Variants in SCGB2B2 observed in about 807,000 individuals in gnomAD.
SCGB2B2 encodes secretoglobin family 2B member 2.
SCGB2B2 carries 11 observed loss-of-function variants against 7.6 expected under a neutral mutation model. The ratio of observed to expected loss-of-function variants is 1.45; its 90% confidence interval spans 0.91 to 2.40. The LOEUF is 2.40. Among genes scored for constraint, SCGB2B2 ranks in the 30% most tolerant of loss-of-function variants. The pLI is 0.00. For missense variants in SCGB2B2, 104 were observed against 115.4 expected (o/e 0.90, Z 0.45); for synonymous variants, 50 against 48.6 (o/e 1.03, Z -0.12).
intron 1 of SCGB2B2, among the ~76,000 whole-genome samples, chr19:34,667,568 G>A (rs546160320): frequency 4.1e-4 from 63 of 152,234 alleles, no homozygotes; most frequent in Admixed American, 3.7e-3. Context: ...GCCTCTAGAG[G>A]GTATTTAGAC....
intron 1 of SCGB2B2, among the ~76,000 whole-genome samples, chr19:34,661,301 A>G (rs2067449684): frequency 6.6e-6 from 1 of 152,184 alleles, no homozygotes; most frequent in African/African-American, 2.4e-5. Context: ...ACGTGCAATG[A>G]CATTAAAAAA....
Position 34,597,481 on chromosome 19 carries a change from T to C in SCGB2B2, c.-2031-887A>G, listed in dbSNP as rs979429175. Among the ~76,000 whole-genome samples the C allele has an allele frequency of 3.3e-5, 5 of 152,298 alleles. No individual in the cohort carries two copies. In the East Asian group the frequency reaches 5.8e-4, roughly 18 times the overall value. On this transcript the variant is annotated intron_variant, in intron 1 of 3. Coordinates refer to ENST00000601241, the MANE Select transcript of SCGB2B2 (RefSeq NM_001025591.4). The stretch of plus-strand genomic sequence containing the variant: ...ATATCAGACATCTCCCGTGCACCAC[T>C]TTCAGCCATCTCAGCCTCACCTGGG...
intron 1 of SCGB2B2, among the ~76,000 whole-genome samples, chr19:34,631,532 G>A (rs1180579281): frequency 2.0e-5 from 3 of 151,930 alleles, no homozygotes; most frequent in South Asian, 2.1e-4. Flanking sequence ...CTTTTTACAA[G>A]AGCATACAAC....
chr19:34,597,594 C>T (rs1464083361), intron 1 of SCGB2B2, among the ~76,000 whole-genome samples: 1 of 152,242 alleles, frequency 6.6e-6, no homozygotes, highest in Non-Finnish European at 1.5e-5. Flanking sequence ...TCACTGTGGT[C>T]TGGGCTATGC....
At chr19:34,589,192 CTG>C (rs2065245362), downstream of SCGB2B2, among the ~76,000 whole-genome samples, 1 of 152,128 alleles carries the variant, frequency 6.6e-6, no homozygotes, top group Admixed American at 6.5e-5. Context: ...CCACCTAAGA[CTG>C]GAGTGACCTT....
intron 1 of SCGB2B2, among the ~76,000 whole-genome samples, chr19:34,661,013 TTA>T (rs1445414764): frequency 2.6e-5 from 4 of 151,782 alleles, no homozygotes; most frequent in Non-Finnish European, 4.4e-5. Flanking sequence ...TCTCAGCAAA[TTA>T]TCACAAGGAC....
chr19:34,615,930 T>C (rs1178207065), intron 1 of SCGB2B2, among the ~76,000 whole-genome samples: 9 of 150,990 alleles, frequency 6.0e-5, no homozygotes, highest in Non-Finnish European at 1.2e-4. Context: ...TGAGTGAGAA[T>C]ACGTGGTGTT....
At chr19:34,611,302 G>A (rs1351344063) in intron 1 of SCGB2B2, among the ~76,000 whole-genome samples, 40 of 151,672 alleles carry the variant, frequency 2.6e-4, no homozygotes, top group Non-Finnish European at 4.4e-5. Context: ...CTGTTTTTTA[G>A]TCTCAATTTT....
At chr19:34,674,189 C>T (rs972330963) in intron 1 of SCGB2B2, among the ~76,000 whole-genome samples, 3 of 152,056 alleles carry the variant, frequency 2.0e-5, no homozygotes, top group African/African-American at 7.3e-5. Flanking sequence ...ATGAAAAATC[C>T]CTATGTAAGC....
At chr19:34,605,741 C>A (rs1418078529) in intron 1 of SCGB2B2, among the ~76,000 whole-genome samples, 1 of 152,034 alleles carries the variant, frequency 6.6e-6, no homozygotes, top group Non-Finnish European at 1.5e-5. Context: ...GCATGCACCA[C>A]CATGTCTGGC....
intron 1 of SCGB2B2, among the ~76,000 whole-genome samples, chr19:34,673,570 T>C (rs546284123): frequency 1.1e-4 from 17 of 152,318 alleles, no homozygotes; most frequent in African/African-American, 3.6e-4. Flanking sequence ...AAGTTTTTCT[T>C]ATATAGGGGT....
intron 1 of SCGB2B2, among the ~76,000 whole-genome samples, chr19:34,599,896 C>T (rs1301116522): frequency 7.2e-5 from 11 of 152,156 alleles, no homozygotes; most frequent in East Asian, 5.8e-4. Context: ...AGTATGGAGA[C>T]GTACACACCA....
intron 1 of SCGB2B2, among the ~76,000 whole-genome samples, chr19:34,671,230 T>C (rs1814638748): frequency 6.6e-6 from 1 of 152,250 alleles, no homozygotes; most frequent in Non-Finnish European, 1.5e-5. Context: ...TGTTTTAATA[T>C]GGATGTCCAG....
At chr19:34,637,001 C>T (rs988453890) in intron 1 of SCGB2B2, among the ~76,000 whole-genome samples, 3 of 152,080 alleles carry the variant, frequency 2.0e-5, no homozygotes, top group Non-Finnish European at 2.9e-5. Context: ...CCATGACAGA[C>T]CCCAGGAAAG....
chr19:34,597,478 C>A (rs2065492852), intron 1 of SCGB2B2, among the ~76,000 whole-genome samples: 1 of 152,176 alleles, frequency 6.6e-6, no homozygotes, highest in African/African-American at 2.4e-5. Flanking sequence ...TCCCGTGCAC[C>A]ACTTTCAGCC....
chr19:34,662,951 C>G (rs563896453), intron 1 of SCGB2B2, among the ~76,000 whole-genome samples: 1 of 147,816 alleles, frequency 6.8e-6, no homozygotes, highest in Non-Finnish European at 1.5e-5. Context: ...AACAAACAAA[C>G]AAACAAACAA....
At chr19:34,607,186 T>C (rs2065804537) in intron 1 of SCGB2B2, among the ~76,000 whole-genome samples, 1 of 152,252 alleles carries the variant, frequency 6.6e-6, no homozygotes, top group Non-Finnish European at 1.5e-5. Context: ...CATAATGTCC[T>C]ACAGGTTCAT....
In SCGB2B2 at chr19:34,592,819, C is replaced by T. The variant is rs1332520338; in HGVS notation, c.*736G>A. On this transcript the variant is annotated 3_prime_UTR_variant, in exon 4 of 4. Coordinates refer to ENST00000601241, the MANE Select transcript of SCGB2B2 (RefSeq NM_001025591.4). ...TGCCTGGTCCCACCAGCCCCAGGAGCAGAGCTGAGCTGCAGGTATTTATGG... is the reference window on the plus strand; with the variant it reads ...TGCCTGGTCCCACCAGCCCCAGGAGTAGAGCTGAGCTGCAGGTATTTATGG... Among the ~76,000 whole-genome samples the T allele has an allele frequency of 1.3e-5, 2 of 152,184 alleles. No homozygotes were observed. Among genetic ancestry groups the T allele is most frequent in the Non-Finnish European group, 2.9e-5 (2 of 68,036 alleles).
chr19:34,630,500 G>A (rs574624935), intron 1 of SCGB2B2, among the ~76,000 whole-genome samples: 71 of 151,970 alleles, frequency 4.7e-4, no homozygotes, highest in African/African-American at 1.6e-3. Context: ...GCAGCCTAAA[G>A]ACACATGAAA....
Sources: gnomAD v4.1 joint callset for allele counts (sites outside exome capture counted in the v4.1 genomes callset) on GRCh38, gnomAD v4.1.1 for gene constraint, MANE v1.5 for transcripts, NCBI Gene and HGNC (gene_info 2026-07-23, HGNC 2026-07-21) for gene names.